The following MYO5B variants were observed in gnomAD, a reference collection of about 807,000 sequenced individuals.
The protein encoded by MYO5B is myosin VB.
Under a neutral mutation model 229.3 loss-of-function variants are expected in MYO5B, and 143 were observed. The observed-to-expected ratio is 0.62, with a 90% CI of 0.54 to 0.72. The LOEUF (loss-of-function observed/expected upper bound fraction) is 0.72, where lower values mean the gene tolerates loss of function less well. Among genes scored for constraint, MYO5B ranks in the 30% least tolerant of loss-of-function variants. MYO5B has a pLI of 0.00. For missense variants in MYO5B, 2,321 were observed against 2,331.0 expected, an observed-to-expected ratio of 1.00 and a Z score of 0.09; for synonymous variants, 918 against 885.2, an observed-to-expected ratio of 1.04 and a Z score of -0.66.
chr18:49,899,834 C>T (rs866950840), intron 21 of MYO5B, among the ~76,000 whole-genome samples: 1 of 152,236 alleles, frequency 6.6e-6, no homozygotes. Flanking sequence ...TGATCACCCT[C>T]TACACACAGG....
intron 1 of MYO5B, among the ~76,000 whole-genome samples, chr18:50,090,536 A>C (rs2031426306): frequency 1.3e-5 from 2 of 152,076 alleles, no homozygotes; most frequent in African/African-American, 4.8e-5. Flanking sequence ...CACAGTCAGA[A>C]TTTACACTCA....
rs541844970 is a variant in MYO5B, at chr18:49,973,351, A to G, written c.1322+999T>C. Among the ~76,000 whole-genome samples, 24 of 152,332 alleles carry G rather than the reference A, an allele frequency of 1.6e-4. No individual in the cohort carries two copies. In the South Asian group the frequency reaches 5.0e-3, roughly 32 times the overall value. On this transcript the variant is annotated intron_variant, in intron 10 of 39. Coordinates refer to ENST00000285039, the MANE Select transcript of MYO5B (RefSeq NM_001080467.3). ...GCCACGTGGGGAAGTGGCCACTTCT[A>G]CAGGGGACTGGCCTTTATTCCAACC...
intron 1 of MYO5B, among the ~76,000 whole-genome samples, chr18:50,106,122 C>T (rs1380670172): frequency 1.3e-5 from 2 of 152,096 alleles, no homozygotes; most frequent in East Asian, 1.9e-4. Context: ...CAAAAATGCA[C>T]CCTGGACATT....
chr18:49,915,064 G>T (rs894843251), intron 17 of MYO5B, among the ~76,000 whole-genome samples: 3 of 152,188 alleles, frequency 2.0e-5, no homozygotes, highest in Admixed American at 6.5e-5. Flanking sequence ...GGTGGAAGAT[G>T]TCTAACACAG....
chr18:50,055,381 G>T lies in MYO5B; in HGVS notation c.28-3C>A, dbSNP rs371360783. ...TCAGGGATCCAGACCCTTGTGCACT[G>T]AAAGATTAAAACAGAAGAAACTTAG... On this transcript the variant is annotated splice_region_variant and splice_polypyrimidine_tract_variant and intron_variant, in intron 1 of 39. Coordinates refer to ENST00000285039, the MANE Select transcript of MYO5B (RefSeq NM_001080467.3). 8 of 1,611,238 alleles carry T rather than the reference G, an allele frequency of 5.0e-6. No individual in the cohort carries two copies. The highest frequency in any genetic ancestry group is 6.8e-6 in the Non-Finnish European group (8 of 1,177,744).
At chr18:50,056,922 C>A (rs1050083510) in intron 1 of MYO5B, among the ~76,000 whole-genome samples, 2 of 152,212 alleles carry the variant, frequency 1.3e-5, no homozygotes, top group Admixed American at 1.3e-4. Context: ...AAGCCAAAGT[C>A]ATCTGTTTCA....
intron 1 of MYO5B, among the ~76,000 whole-genome samples, chr18:50,105,249 A>AAATAAATAAAT (rs151090358): frequency 0.028 from 3,887 of 141,062 alleles, 68 homozygotes; most frequent in South Asian, 0.072. Context: ...ATAAATAAAT[A>AAATAAATAAAT]AAAAATAGAT....
intron 14 of MYO5B, 79 bp from the exon 15 acceptor site, chr18:49,937,476 CA>C (rs2025264436): frequency 1.3e-6 from 2 of 1,519,726 alleles, no homozygotes; most frequent in Non-Finnish European, 1.8e-6. Context: ...TGCTTTTCAA[CA>C]TATACCTGAG....
intron 1 of MYO5B, 55 bp downstream of exon 1, chr18:50,194,712 T>A: frequency 1.6e-6 from 2 of 1,285,702 alleles, no homozygotes; most frequent in Middle Eastern, 4.8e-4. Context: ...GAGTACTAGG[T>A]GGCCCCGAGC....
chr18:50,090,246 G>A (rs762995141), intron 1 of MYO5B, among the ~76,000 whole-genome samples: 16 of 151,878 alleles, frequency 1.1e-4, no homozygotes, highest in Non-Finnish European at 1.8e-4. Flanking sequence ...GGGAAGCTGA[G>A]GCAGGAGGAT....
chr18:49,942,411 G>A (rs1318518083), intron 14 of MYO5B, among the ~76,000 whole-genome samples: 18 of 130,432 alleles, frequency 1.4e-4, no homozygotes, highest in African/African-American at 4.4e-4. Context: ...AAAAACTACC[G>A]TCAGAGTGAA....
intron 27 of MYO5B, among the ~76,000 whole-genome samples, chr18:49,866,409 A>C (rs750631996): frequency 1.2e-4 from 18 of 152,122 alleles, no homozygotes; most frequent in Non-Finnish European, 2.4e-4. Flanking sequence ...AGTGACATTA[A>C]GTCCATTTAT....
chr18:49,870,344 A>G (rs1338657350), intron 27 of MYO5B, among the ~76,000 whole-genome samples: 5 of 152,246 alleles, frequency 3.3e-5, no homozygotes, highest in African/African-American at 1.2e-4. Flanking sequence ...AACTCTCAGA[A>G]GAAAACATAG....
At chr18:49,952,775 C>T (rs1255083017) in intron 14 of MYO5B, among the ~76,000 whole-genome samples, 1 of 152,102 alleles carries the variant, frequency 6.6e-6, no homozygotes, top group Non-Finnish European at 1.5e-5. Context: ...ATCCCACCTT[C>T]TATTCCATTA....
At chr18:49,950,220 G>A (rs934059741) in intron 14 of MYO5B, among the ~76,000 whole-genome samples, 4 of 152,196 alleles carry the variant, frequency 2.6e-5, no homozygotes, top group Non-Finnish European at 4.4e-5. Context: ...CAGGGTTGTT[G>A]CTGGGATGGG....
intron 4 of MYO5B, among the ~76,000 whole-genome samples, chr18:50,002,134 A>C (rs963831803): frequency 3.3e-5 from 5 of 152,040 alleles, no homozygotes; most frequent in Non-Finnish European, 5.9e-5. Flanking sequence ...TATACATTAC[A>C]ATTTCTTCAA....
intron 1 of MYO5B, among the ~76,000 whole-genome samples, chr18:50,182,173 C>T (rs1157728462): frequency 6.6e-6 from 1 of 152,124 alleles, no homozygotes; most frequent in Non-Finnish European, 1.5e-5. Flanking sequence ...AACCTTCAGG[C>T]AAAAACTATG....
intron 32 of MYO5B, among the ~76,000 whole-genome samples, chr18:49,848,274 G>A (rs778102866): frequency 6.6e-6 from 1 of 152,078 alleles, no homozygotes; most frequent in Non-Finnish European, 1.5e-5. Context: ...AGGACCCCAC[G>A]GAGGAGGTGG....
intron 4 of MYO5B, among the ~76,000 whole-genome samples, chr18:50,026,905 C>T (rs1412375333): frequency 6.6e-6 from 1 of 152,204 alleles, no homozygotes; most frequent in African/African-American, 2.4e-5. Context: ...TTGCTCAGGG[C>T]CACACAGCTA....
Sources: gnomAD v4.1 joint callset for allele counts (sites outside exome capture counted in the v4.1 genomes callset) on GRCh38, gnomAD v4.1.1 for gene constraint, MANE v1.5 for transcripts, NCBI Gene and HGNC (gene_info 2026-07-23, HGNC 2026-07-21) for gene names.